The following CPNE2 variants were observed in gnomAD, a reference collection of about 807,000 sequenced individuals.
CPNE2 encodes copine 2.
Under a neutral mutation model 69.7 loss-of-function variants are expected in CPNE2, and 42 were observed. The ratio of observed to expected loss-of-function variants is 0.60; its 90% CI spans 0.47 to 0.78. The LOEUF is 0.78. Among genes scored for constraint, CPNE2 ranks in the 30% least tolerant of loss-of-function variants. CPNE2 has a pLI of 0.00. For missense variants in CPNE2, 587 were observed against 732.0 expected, an observed-to-expected ratio of 0.80 and a Z score of 2.29; for synonymous variants, 294 against 289.8, an observed-to-expected ratio of 1.01 and a Z score of -0.15.
chr16:57,101,950 CT>C (rs753148938), intron 1 of CPNE2, among the ~76,000 whole-genome samples: 358 of 143,018 alleles, frequency 2.5e-3, no homozygotes, highest in Middle Eastern at 3.5e-3. Flanking sequence ...ATTTCTTTTT[CT>C]TTTTTTTTTT....
At chr16:57,121,570 C>G in intron 8 of CPNE2, 104 bp from the exon 9 acceptor site, 1 of 1,118,470 alleles carries the variant, frequency 8.9e-7, no homozygotes, top group Non-Finnish European at 1.3e-6. Flanking sequence ...AGGAAGCATG[C>G]TGCCCCCATT....
At chr16:57,114,823 C>T (rs1179372514) in intron 3 of CPNE2, among the ~76,000 whole-genome samples, 1 of 150,172 alleles carries the variant, frequency 6.7e-6, no homozygotes, top group Non-Finnish European at 1.5e-5. Context: ...ATTGGCCGGG[C>T]TCTATAGCTC....
chr16:57,126,521 G>T (rs775253012), intron 11 of CPNE2, among the ~76,000 whole-genome samples: 1 of 152,048 alleles, frequency 6.6e-6, no homozygotes, highest in Non-Finnish European at 1.5e-5. Flanking sequence ...ACCACGGAAA[G>T]TCAGTGAAGG....
In CPNE2 at chr16:57,121,149, G is replaced by C. The variant is rs1221850182; in HGVS notation, c.738G>C (p.Gln246His). ...DGGHDFIGEF[Q>H]TSVSQMCEAR... ...GCCATGACTTCATCGGCGAGTTCCA[G>C]ACCTCAGTGTCACAGATGTGTGAGG... The change falls in exon 8 of 16, where the codon CAG (glutamine) becomes CAC (histidine). Residue 246 changes from glutamine to histidine, a missense_variant. By Grantham distance (24) the Gln-to-His change is conservative. Transcript: ENST00000290776. 5 of 1,614,060 alleles carry C rather than the reference G, an allele frequency of 3.1e-6. No individual in the cohort carries two copies. Among genetic ancestry groups the C allele is most frequent in the African/African-American group, 2.7e-5 (2 of 75,048 alleles).
At chr16:57,134,731 T>C (rs1463937196) in intron 12 of CPNE2, 44 bp from the exon 13 acceptor site, 1 of 1,612,148 alleles carries the variant, frequency 6.2e-7, no homozygotes, top group Admixed American at 1.7e-5. Context: ...GGGTCTGGGT[T>C]TGGGGGCGGG....
intron 7 of CPNE2, among the ~76,000 whole-genome samples, chr16:57,120,270 CAAAA>C (rs201770187): frequency 8.4e-6 from 1 of 118,934 alleles, no homozygotes; most frequent in Non-Finnish European, 1.8e-5. Context: ...GATTCTGTCT[CAAAA>C]AAAAAAAAAA....
chr16:57,115,345 A>C, intron 3 of CPNE2, 131 bp from the exon 4 acceptor site: 1 of 677,022 alleles, frequency 1.5e-6, no homozygotes. Context: ...GATGATGCTC[A>C]GGCGGGTCAC....
chr16:57,104,883 A>G (rs574602353), intron 1 of CPNE2, among the ~76,000 whole-genome samples: 1 of 152,288 alleles, frequency 6.6e-6, no homozygotes, highest in African/African-American at 2.4e-5. Flanking sequence ...AGAGAGCCTG[A>G]CAGCAAAGGG....
intron 1 of CPNE2, among the ~76,000 whole-genome samples, chr16:57,107,858 G>C (rs1048086512): frequency 1.1e-4 from 16 of 146,110 alleles, no homozygotes; most frequent in African/African-American, 3.3e-4. Flanking sequence ...GGCTAAGACA[G>C]AGCAATCTTT....
intron 3 of CPNE2, 38 bp from the exon 4 acceptor site, chr16:57,115,438 G>C: frequency 6.5e-7 from 1 of 1,528,354 alleles, no homozygotes; most frequent in East Asian, 2.3e-5. Context: ...GGCTTCCCCC[G>C]CTTCCTCACT....
chr16:57,123,816 G>C, intron 10 of CPNE2: 1 of 369,782 alleles, frequency 2.7e-6, no homozygotes, highest in Non-Finnish European at 5.0e-6. Context: ...CTTCCTCCTT[G>C]CTCACTGGGC....
intron 1 of CPNE2, among the ~76,000 whole-genome samples, chr16:57,108,355 A>G (rs1209508628): frequency 2.0e-5 from 3 of 152,252 alleles, no homozygotes; most frequent in African/African-American, 7.2e-5. Context: ...ATGCTCAATT[A>G]GTGCTCACAA....
At chr16:57,132,248 A>G (rs1349269407) in intron 12 of CPNE2, among the ~76,000 whole-genome samples, 1 of 152,200 alleles carries the variant, frequency 6.6e-6, no homozygotes, top group East Asian at 1.9e-4. Context: ...CTCCTGCCCC[A>G]GAGAGTGGCT....
At chr16:57,117,618 C>G (rs375354136) in intron 5 of CPNE2, 51 bp downstream of exon 5, 96 of 1,591,446 alleles carry the variant, frequency 6.0e-5, no homozygotes, top group Non-Finnish European at 8.0e-5. Flanking sequence ...CCCCCACCAG[C>G]CCCAGGGCTG....
intron 13 of CPNE2, 125 bp downstream of exon 13, chr16:57,134,951 T>G: frequency 9.4e-7 from 1 of 1,059,836 alleles, no homozygotes; most frequent in Non-Finnish European, 1.4e-6. Flanking sequence ...TTACTGTTGC[T>G]CAGAGTGACA....
At chr16:57,109,704 G>A (rs542814739) in intron 1 of CPNE2, among the ~76,000 whole-genome samples, 7 of 152,274 alleles carry the variant, frequency 4.6e-5, no homozygotes, top group South Asian at 2.1e-4. Context: ...CAGTGAGGAC[G>A]ACCAGAGGTC....
chr16:57,146,289 G>T lies in CPNE2; in HGVS notation c.1507G>T (p.Val503Leu). ...HTGEEAARDI[V>L]QFVPFREFRN... ...GGGGGAGGAGGCAGCCCGCGATATT[G>T]TGCAGTTCGTTCCCTTTCGAGAGTT... Residue 503 changes from valine (V) to leucine (L), a missense_variant, in exon 15 of 16, where the codon GTG becomes TTG. By Grantham distance (32) the Val-to-Leu change is conservative. Transcript: ENST00000290776. The surrounding 1 kb of genome is among the most constrained non-coding windows in gnomAD (Gnocchi z 4.4). The T allele has an allele frequency of 3.2e-6, 5 of 1,554,802 alleles. No homozygotes were observed. The highest frequency in any genetic ancestry group is 4.4e-6 in the Non-Finnish European group (5 of 1,148,514).
chr16:57,115,121 C>G (rs2069709152), intron 3 of CPNE2, among the ~76,000 whole-genome samples: 1 of 152,080 alleles, frequency 6.6e-6, no homozygotes, highest in Admixed American at 6.6e-5. Flanking sequence ...CATCAGAGAT[C>G]ATATCCTGAG....
In CPNE2 at chr16:57,121,128, T is replaced by G; in HGVS notation, c.717T>G (p.His239Gln). 1 of 1,614,004 alleles carries G rather than the reference T, an allele frequency of 6.2e-7. No homozygotes were observed. Among genetic ancestry groups the G allele is most frequent in the Non-Finnish European group, 8.5e-7 (1 of 1,179,964 alleles). ...ACGACTATGACAATGACGGGGGCCA[T>G]GACTTCATCGGCGAGTTCCAGACCT... ...MCYDYDNDGG[H>Q]DFIGEFQTSV... Residue 239 changes from histidine (H) to glutamine (Q), a missense_variant, in exon 8 of 16, where the codon CAT becomes CAG. By Grantham distance (24) the His-to-Gln change is conservative (BLOSUM62 0). Coordinates refer to ENST00000290776, the MANE Select transcript of CPNE2 (RefSeq NM_152727.6).
Sources: allele counts gnomAD v4.1 joint callset (sites outside exome capture counted in the v4.1 genomes callset), GRCh38; gene constraint gnomAD v4.1.1; non-coding constraint Gnocchi (gnomAD v3.1); transcripts MANE v1.5; gene names NCBI Gene and HGNC (gene_info 2026-07-23, HGNC 2026-07-21).